SMG6: variants seen among roughly 807,000 people sequenced by gnomAD.
The protein encoded by SMG6 is SMG6 nonsense mediated mRNA decay factor, also known as telomerase-binding protein EST1A.
A neutral mutation model predicts 142.2 loss-of-function variants in SMG6; 66 were observed. The observed-to-expected ratio is 0.46, with a 90% CI of 0.38 to 0.57. The LOEUF (loss-of-function observed/expected upper bound fraction) is 0.57, where lower values mean the gene tolerates loss of function less well. Ranked by LOEUF, SMG6 falls within the 20% of genes least tolerant of loss-of-function variation. SMG6 has a pLI of 0.00. For missense variants in SMG6, 1,793 were observed against 1,832.0 expected (o/e 0.98, Z 0.39); for synonymous variants, 779 against 702.4 (o/e 1.11, Z -1.72).
At chr17:2,147,172 C>T (rs2070695044) in intron 13 of SMG6, among the ~76,000 whole-genome samples, 1 of 152,120 alleles carries the variant, frequency 6.6e-6, no homozygotes, top group African/African-American at 2.4e-5. Flanking sequence ...GTGGGTGGAT[C>T]ATTTGAGGTC....
intron 13 of SMG6, among the ~76,000 whole-genome samples, chr17:2,104,142 G>A (rs1480628494): frequency 2.6e-5 from 4 of 151,848 alleles, no homozygotes; most frequent in South Asian, 2.1e-4. Context: ...TAGTAGAGAC[G>A]GGGTTTCACC....
In SMG6 at chr17:2,273,608, G is replaced by A. The variant is rs555014179; in HGVS notation, c.2661+9039C>T. ...AGATTGTGCCATTGCACTCCAGCCC[G>A]GGCAACAGTGTGAGACTTTGTCTCA... On this transcript the variant is annotated intron_variant, in intron 8 of 18. Transcript: ENST00000263073. Among the ~76,000 whole-genome samples the A allele has an allele frequency of 2.5e-3, 387 of 152,268 alleles. 1 individual carries two copies. The highest frequency in any genetic ancestry group is 4.3e-3 in the Non-Finnish European group (293 of 68,016).
At chr17:2,253,843 T>A (rs1041349486) in intron 8 of SMG6, among the ~76,000 whole-genome samples, 4 of 152,130 alleles carry the variant, frequency 2.6e-5, no homozygotes, top group Non-Finnish European at 5.9e-5. Flanking sequence ...CTCCAAAGGC[T>A]ACAGAGAAAT....
chr17:2,152,193 A>G (rs2070848293), intron 13 of SMG6, among the ~76,000 whole-genome samples: 1 of 152,220 alleles, frequency 6.6e-6, no homozygotes, highest in Non-Finnish European at 1.5e-5. Context: ...GGACAGGAGA[A>G]AGAACTGAAA....
chr17:2,246,783 T>TA (rs1415628787), intron 8 of SMG6, among the ~76,000 whole-genome samples: 1 of 151,994 alleles, frequency 6.6e-6, no homozygotes, highest in African/African-American at 2.4e-5. Flanking sequence ...CCGTCTCTAC[T>TA]AAAAATACAA....
intron 10 of SMG6, among the ~76,000 whole-genome samples, chr17:2,200,743 T>G (rs1597586268): frequency 6.6e-6 from 1 of 152,178 alleles, no homozygotes; most frequent in Non-Finnish European, 1.5e-5. Flanking sequence ...AGGCTCTCGC[T>G]CTGTTGCCCA....
chr17:2,286,015 A>C (rs1250394005), intron 6 of SMG6, among the ~76,000 whole-genome samples: 1 of 152,148 alleles, frequency 6.6e-6, no homozygotes, highest in African/African-American at 2.4e-5. Flanking sequence ...CAGAGAAAAA[A>C]AAGAAAACAA....
At chr17:2,218,222 G>A (rs912564310) in intron 10 of SMG6, among the ~76,000 whole-genome samples, 2 of 151,848 alleles carry the variant, frequency 1.3e-5, no homozygotes, top group African/African-American at 2.4e-5. Context: ...ATTCTGTTAT[G>A]GTGCAGACAA....
At chr17:2,249,157 TGCTGG>T (rs1487517468) in intron 8 of SMG6, among the ~76,000 whole-genome samples, 2 of 152,062 alleles carry the variant, frequency 1.3e-5, no homozygotes, top group Non-Finnish European at 2.9e-5. Context: ...CCTCCCAAAG[TGCTGG>T]GATTACAGGC....
chr17:2,066,652 T>TATACACACAC (rs1194896756), intron 16 of SMG6, among the ~76,000 whole-genome samples: 1 of 119,490 alleles, frequency 8.4e-6, no homozygotes, highest in Non-Finnish European at 1.7e-5. Flanking sequence ...CATGTGGGAA[T>TATACACACAC]ACACACACAC....
chr17:2,241,673 G>A (rs925217550), intron 9 of SMG6, among the ~76,000 whole-genome samples: 2 of 152,130 alleles, frequency 1.3e-5, no homozygotes, highest in Admixed American at 6.5e-5. Flanking sequence ...TTATAGGCGT[G>A]AGCCACCGCA....
chr17:2,065,933 C>T, intron 16 of SMG6: 3 of 549,126 alleles, frequency 5.5e-6, no homozygotes, highest in Non-Finnish European at 6.6e-6. Context: ...TTAAAGGAAT[C>T]TTCTGGAGCT....
chr17:2,085,059 G>A lies in SMG6; in HGVS notation c.3534+666C>T, dbSNP rs1290477275. On this transcript the variant is annotated intron_variant, in intron 14 of 18. Coordinates refer to ENST00000263073, the MANE Select transcript of SMG6 (RefSeq NM_017575.5). This position sits in a 1 kb window ranked among gnomAD's most constrained non-coding sequence, Gnocchi z 4.1. ...CACAAATAGGCAATGGCAATATATA[G>A]GGCAGGGCAACTGCCAGTGGACTAT... Among the ~76,000 whole-genome samples, 1 of 152,172 alleles carries A rather than the reference G, an allele frequency of 6.6e-6. No homozygotes were observed. The highest frequency in any genetic ancestry group is 1.5e-5 in the Non-Finnish European group (1 of 68,030).
intron 10 of SMG6, among the ~76,000 whole-genome samples, chr17:2,202,795 C>CTTT (rs746032631): frequency 3.3e-5 from 5 of 152,306 alleles, no homozygotes; most frequent in South Asian, 2.1e-4. Context: ...ACCTCAGAGA[C>CTTT]GGTAAGTAAA....
chr17:2,067,396 G>A (rs997801787), intron 16 of SMG6, among the ~76,000 whole-genome samples: 1 of 152,154 alleles, frequency 6.6e-6, no homozygotes, highest in Non-Finnish European at 1.5e-5. Context: ...GGGGGCTCCT[G>A]AGATGTCCAC....
At chr17:2,207,612 T>A (rs571434224) in intron 10 of SMG6, among the ~76,000 whole-genome samples, 69 of 152,228 alleles carry the variant, frequency 4.5e-4, no homozygotes, top group Middle Eastern at 3.4e-3. Flanking sequence ...AAAATATCTA[T>A]AATTAAATAT....
At chr17:2,186,320 A>G (rs1425933270) in intron 12 of SMG6, among the ~76,000 whole-genome samples, 3 of 151,976 alleles carry the variant, frequency 2.0e-5, no homozygotes, top group African/African-American at 7.3e-5. Context: ...AGTCTCACAC[A>G]CACATATCCA....
chr17:2,101,106 A>G (rs1298918735), intron 13 of SMG6: 1 of 151,638 alleles, frequency 6.6e-6, no homozygotes, highest in Non-Finnish European at 1.5e-5. Flanking sequence ...TACTATCTAT[A>G]TATTTTTTGA....
chr17:2,277,176 T>A (rs55845837), intron 8 of SMG6, among the ~76,000 whole-genome samples: 3 of 119,756 alleles, frequency 2.5e-5, no homozygotes, highest in African/African-American at 7.6e-5. Context: ...TTTTTTATTT[T>A]TTTTTTTTTT....
Sources: allele counts gnomAD v4.1 joint callset (sites outside exome capture counted in the v4.1 genomes callset), GRCh38; gene constraint gnomAD v4.1.1; non-coding constraint Gnocchi (gnomAD v3.1); transcripts MANE v1.5; gene names NCBI Gene and HGNC (gene_info 2026-07-23, HGNC 2026-07-21).